The following RIMS1 variants were observed in gnomAD, a reference collection of about 807,000 sequenced individuals.
RIMS1 encodes the protein regulating synaptic membrane exocytosis protein 1.
RIMS1 carries 83 observed loss-of-function variants against 214.1 expected under a neutral mutation model. That is an observed-to-expected ratio of 0.39 (90% confidence interval 0.32 to 0.47). The LOEUF is 0.47. Among genes scored for constraint, RIMS1 ranks in the 20% least tolerant of loss-of-function variants. The pLI is 0.99. For synonymous variants in RIMS1, 793 were observed against 786.8 expected (o/e 1.01, Z -0.13); for missense variants, 2,050 against 2,161.8 (o/e 0.95, Z 1.03).
At chr6:72,094,930 A>C (rs2030834614) in intron 2 of RIMS1, among the ~76,000 whole-genome samples, 2 of 150,790 alleles carry the variant, frequency 1.3e-5, no homozygotes, top group African/African-American at 4.9e-5. Flanking sequence ...TGCTCTTATT[A>C]CTTAATTATT....
intron 2 of RIMS1, among the ~76,000 whole-genome samples, chr6:72,015,654 C>T (rs1449245005): frequency 7.2e-5 from 11 of 152,120 alleles, no homozygotes; most frequent in East Asian, 3.9e-4. Context: ...TGGCCAGGCG[C>T]GGTGGCTCAT....
chr6:72,263,979 G>T (rs1591159641), intron 19 of RIMS1: 6 of 545,038 alleles, frequency 1.1e-5, no homozygotes, highest in Non-Finnish European at 1.4e-5. Flanking sequence ...GATAACAAGA[G>T]TGAGACTCTG....
At chr6:72,187,618 T>A (rs749020170) in intron 6 of RIMS1, among the ~76,000 whole-genome samples, 3 of 151,742 alleles carry the variant, frequency 2.0e-5, no homozygotes, top group Non-Finnish European at 2.9e-5. Context: ...CTCTGCCTCC[T>A]GAGTAGCTGG....
intron 4 of RIMS1, among the ~76,000 whole-genome samples, chr6:72,116,000 T>C (rs1055928534): frequency 6.6e-6 from 1 of 152,000 alleles, no homozygotes; most frequent in Non-Finnish European, 1.5e-5. Flanking sequence ...GTAATTACTA[T>C]ATATTTTTGT....
At chr6:72,196,579 A>AATTTTTTTTTTTTTTT (rs1562552453) in intron 6 of RIMS1, among the ~76,000 whole-genome samples, 2 of 32,654 alleles carry the variant, frequency 6.1e-5, no homozygotes, top group Non-Finnish European at 9.5e-5. Flanking sequence ...AGCCAGCTGC[A>AATTTTTTTTTTTTTTT]CTTTTTTTTT....
At chr6:72,057,111 A>G (rs1340750479) in intron 2 of RIMS1, among the ~76,000 whole-genome samples, 2 of 152,196 alleles carry the variant, frequency 1.3e-5, no homozygotes, top group African/African-American at 4.8e-5. Flanking sequence ...ACAAACCCCC[A>G]TGACACAAGT....
chr6:71,942,551 A>G (rs1227360165), intron 1 of RIMS1, among the ~76,000 whole-genome samples: 2 of 152,146 alleles, frequency 1.3e-5, no homozygotes, highest in Non-Finnish European at 2.9e-5. Context: ...TTATGGTTAT[A>G]GTTTTATGCT....
At chr6:72,353,174 G>A (rs1386625724) in intron 29 of RIMS1, among the ~76,000 whole-genome samples, 1 of 151,494 alleles carries the variant, frequency 6.6e-6, no homozygotes, top group African/African-American at 2.4e-5. Flanking sequence ...TAGTAGAGAC[G>A]GGGTTTCACC....
chr6:72,346,063 C>T (rs1441480926), intron 29 of RIMS1, among the ~76,000 whole-genome samples: 1 of 151,692 alleles, frequency 6.6e-6, no homozygotes, highest in Non-Finnish European at 1.5e-5. Context: ...GTTAAAGGTC[C>T]TTTTTGACCC....
chr6:72,175,347 T>G, intron 4 of RIMS1: 1 of 421,488 alleles, frequency 2.4e-6, no homozygotes, highest in Non-Finnish European at 4.8e-6. Context: ...GTACCTCAGA[T>G]GGATTCTTAT....
chr6:72,060,075 A>T (rs932631256), intron 2 of RIMS1, among the ~76,000 whole-genome samples: 1 of 151,974 alleles, frequency 6.6e-6, no homozygotes, highest in African/African-American at 2.4e-5. Context: ...AGTAGCTAGG[A>T]TTACAGGGAT....
chr6:72,395,220 A>G (rs1322917286), intron 31 of RIMS1, among the ~76,000 whole-genome samples: 1 of 152,062 alleles, frequency 6.6e-6, no homozygotes, highest in Admixed American at 6.5e-5. Flanking sequence ...GAATAGAGAG[A>G]CAGTTTTTGG....
intron 2 of RIMS1, among the ~76,000 whole-genome samples, chr6:72,082,737 C>T (rs1024589042): frequency 6.6e-6 from 1 of 152,152 alleles, no homozygotes; most frequent in African/African-American, 2.4e-5. Flanking sequence ...TTCAGAACCT[C>T]TGAACAGACA....
At chr6:71,994,343 C>T (rs1013889748) in intron 2 of RIMS1, among the ~76,000 whole-genome samples, 3 of 152,120 alleles carry the variant, frequency 2.0e-5, no homozygotes, top group African/African-American at 7.2e-5. Flanking sequence ...CTTTACCTTA[C>T]CATATGTTGA....
At chr6:72,288,811 T>C (rs1334076785) in intron 24 of RIMS1, among the ~76,000 whole-genome samples, 1 of 152,214 alleles carries the variant, frequency 6.6e-6, no homozygotes, top group African/African-American at 2.4e-5. Flanking sequence ...TCCTTTGGTC[T>C]GTGATCTCAT....
intron 4 of RIMS1, among the ~76,000 whole-genome samples, chr6:72,142,824 A>AAAC (rs1288071148): frequency 6.6e-6 from 1 of 152,172 alleles, no homozygotes; most frequent in Non-Finnish European, 1.5e-5. Flanking sequence ...CATTTTTAAT[A>AAAC]AACATTGCAA....
chr6:72,052,887 G>T (rs1048912242), intron 2 of RIMS1, among the ~76,000 whole-genome samples: 2 of 152,146 alleles, frequency 1.3e-5, no homozygotes, highest in African/African-American at 4.8e-5. Context: ...AAGCACAAAG[G>T]TTGTATTCAC....
At chr6:72,244,370 T>G (rs937613349) in intron 10 of RIMS1, among the ~76,000 whole-genome samples, 2 of 151,828 alleles carry the variant, frequency 1.3e-5, no homozygotes, top group Non-Finnish European at 3.0e-5. Flanking sequence ...CATAAATAAA[T>G]TTTAACTAAA....
chr6:71,925,472 G>A (rs1781310968), intron 1 of RIMS1, among the ~76,000 whole-genome samples: 1 of 152,160 alleles, frequency 6.6e-6, no homozygotes. Flanking sequence ...AAGGCTGATG[G>A]GAAAAATGAT....
Sources: gnomAD v4.1 joint callset for allele counts (sites outside exome capture counted in the v4.1 genomes callset) on GRCh38, gnomAD v4.1.1 for gene constraint, MANE v1.5 for transcripts, NCBI Gene and HGNC (gene_info 2026-07-23, HGNC 2026-07-21) for gene names.